PLEC: variants seen among roughly 807,000 people sequenced by gnomAD.
PLEC encodes the protein hemidesmosomal protein 1.
In PLEC, 216 loss-of-function variants were observed where a neutral mutation model predicts 392.8. The observed-to-expected ratio is 0.55, with a 90% CI of 0.49 to 0.62. The LOEUF is 0.62. PLEC is among the 20% of genes least tolerant of loss of function. The pLI is 0.00. For synonymous variants in PLEC, 3,621 were observed against 2,980.6 expected (o/e 1.21, Z -7.00); for missense variants, 6,863 against 6,563.4 (o/e 1.05, Z -1.58).
Position 143,919,584 on chromosome 8 carries a change from C to G in PLEC, c.10237G>C (p.Val3413Leu). 1 of 1,600,328 alleles carries G rather than the reference C, an allele frequency of 6.2e-7. No homozygotes were observed. The highest frequency in any genetic ancestry group is 8.5e-7 in the Non-Finnish European group (1 of 1,175,164). ...RNQRLYVHEA[V>L]KAGVVGPELH... ...TCGGGGCCCACCACGCCCGCCTTCA[C>G]GGCCTCGTGGACATACAGGCGCTGG... Residue 3413 changes from valine (V) to leucine (L), a missense_variant, in exon 32 of 32, where the codon GTG (valine) becomes CTG (leucine). By Grantham distance (32) the Val-to-Leu change is conservative. Coordinates refer to ENST00000345136, the MANE Select transcript of PLEC (RefSeq NM_201384.3).
chr8:143,965,185 C>T (rs1361262786), intron 1 of PLEC, among the ~76,000 whole-genome samples: 1 of 152,102 alleles, frequency 6.6e-6, no homozygotes, highest in African/African-American at 2.4e-5. Context: ...CTCCTGGAGC[C>T]ACACAGGGAC....
At chr8:143,959,231 C>A (rs1387755053) in intron 1 of PLEC, among the ~76,000 whole-genome samples, 6 of 152,206 alleles carry the variant, frequency 3.9e-5, no homozygotes, top group Non-Finnish European at 8.8e-5. Flanking sequence ...TGAAACAACT[C>A]AACTCACCAT....
upstream of PLEC, among the ~76,000 whole-genome samples, chr8:143,951,948 G>A (rs1412373975): frequency 6.8e-6 from 1 of 147,548 alleles, no homozygotes; most frequent in African/African-American, 2.5e-5. Context: ...ACTGTCCCAC[G>A]CTGTGCTCCA....
chr8:143,919,271 G>A lies in PLEC; in HGVS notation c.10550C>T (p.Thr3517Met), dbSNP rs368982802. 37 of 1,613,924 alleles carry A rather than the reference G, an allele frequency of 2.3e-5. No individual in the cohort carries two copies. The highest frequency in any genetic ancestry group is 1.6e-4 in the Middle Eastern group (1 of 6,084). ...DDTKGFFDPN[T>M]HENLTYRQLL... ...CTGCCTGTACGTGAGGTTCTCATGC[G>A]TGTTGGGGTCAAAGAAGCCCTTGGT... is the stretch of plus-strand genomic sequence containing the variant. Residue 3517 changes from threonine (T) to methionine (M), a missense_variant, in exon 32 of 32, where the codon ACG (threonine) becomes ATG (methionine). By Grantham distance (81) the Thr-to-Met change is moderately conservative. Transcript: ENST00000345136.
chr8:143,972,119 C>T (rs1246842073), intron 1 of PLEC, among the ~76,000 whole-genome samples: 1 of 152,216 alleles, frequency 6.6e-6, no homozygotes, highest in Non-Finnish European at 1.5e-5. Flanking sequence ...CTGCACAGTT[C>T]CCGCACTTTG....
chr8:143,941,678 C>G (rs1830481766), upstream of PLEC, among the ~76,000 whole-genome samples: 1 of 51,978 alleles, frequency 1.9e-5, no homozygotes, highest in African/African-American at 8.4e-5. Flanking sequence ...CCCAGCCCAG[C>G]CTGCCCCGCC....
chr8:143,968,327 C>CA, intron 1 of PLEC, among the ~76,000 whole-genome samples: 1 of 151,676 alleles, frequency 6.6e-6, no homozygotes, highest in Non-Finnish European at 1.5e-5. Context: ...AGGTGGCTCA[C>CA]GCTGTAATCC....
chr8:143,917,892 T>C lies in PLEC; in HGVS notation c.11929A>G (p.Ile3977Val). 3 of 1,613,066 alleles carry C rather than the reference T, an allele frequency of 1.9e-6. No individual in the cohort carries two copies. The highest frequency in any genetic ancestry group is 2.2e-5 in the South Asian group (2 of 91,076). Residue 3977 changes from isoleucine (I) to valine (V), a missense_variant, in exon 32 of 32, where the codon ATC becomes GTC. Physicochemically the swap from Ile to Val is conservative, Grantham distance 29. Coordinates refer to ENST00000345136, the MANE Select transcript of PLEC (RefSeq NM_201384.3). Reference sequence around the variant, plus strand: ...AGCTTCAGTCCCTTGATGGGGTCGATGACGTAACCGGTGGCCGCCTGCGCC... The same window carrying C: ...AGCTTCAGTCCCTTGATGGGGTCGACGACGTAACCGGTGGCCGCCTGCGCC... ...LEAQAATGYV[I>V]DPIKGLKLTV...
At chr8:143,965,373 C>G (rs1425512865) in intron 1 of PLEC, among the ~76,000 whole-genome samples, 1 of 152,206 alleles carries the variant, frequency 6.6e-6, no homozygotes, top group Non-Finnish European at 1.5e-5. Context: ...AGGATCCTGT[C>G]TTCCCAGCTG....
In PLEC at chr8:143,917,661, C is replaced by T. The variant is rs1821013204; in HGVS notation, c.12160G>A (p.Asp4054Asn). 5 of 1,613,532 alleles carry T rather than the reference C, an allele frequency of 3.1e-6. No homozygotes were observed. Among genetic ancestry groups the T allele is most frequent in the South Asian group, 1.1e-5 (1 of 91,092 alleles). ...GGCAGCCGGTGGCTCTCCTCAGGGTCGATGATGCCGCCCGTGGCGATCTGG... is the reference window on the plus strand; with the variant it reads ...GGCAGCCGGTGGCTCTCCTCAGGGTTGATGATGCCGCCCGTGGCGATCTGG... ...EAQIATGGII[D>N]PEESHRLPVE... Residue 4054 changes from aspartate (D) to asparagine (N), a missense_variant, in exon 32 of 32, where the codon GAC (aspartate) becomes AAC (asparagine). Asp to Asn is a conservative substitution (Grantham distance 23). Coordinates refer to ENST00000345136, the MANE Select transcript of PLEC (RefSeq NM_201384.3).
chr8:143,919,986 C>G lies in PLEC; in HGVS notation c.9835G>C (p.Val3279Leu), dbSNP rs200407723. 120 of 1,613,238 alleles carry G rather than the reference C, an allele frequency of 7.4e-5. No individual in the cohort carries two copies. Among genetic ancestry groups the G allele is most frequent in the Admixed American group, 1.0e-4 (6 of 60,012 alleles). Residue 3279 changes from valine (V) to leucine (L), a missense_variant, in exon 32 of 32, where the codon GTC (valine) becomes CTC (leucine). By Grantham distance (32) the Val-to-Leu change is conservative. Coordinates refer to ENST00000345136, the MANE Select transcript of PLEC (RefSeq NM_201384.3). Reference protein sequence around the residue: ...ELLRQFRTGKVTVEKVIKILI... With the variant: ...ELLRQFRTGKLTVEKVIKILI... ...ATCTTGATGACCTTCTCCACGGTGA[C>G]CTTGCCCGTGCGGAACTGACGCAAC...
intron 19 of PLEC, 36 bp from the exon 20 acceptor site, chr8:143,930,572 G>A: frequency 1.3e-6 from 2 of 1,560,984 alleles, no homozygotes; most frequent in East Asian, 2.4e-5. Context: ...CGAGGGCCAT[G>A]GAGACCCACA....
intron 1 of PLEC, among the ~76,000 whole-genome samples, chr8:143,967,420 C>T (rs914433237): frequency 1.0e-4 from 15 of 148,252 alleles, no homozygotes; most frequent in Non-Finnish European, 1.5e-4. Context: ...AAAATAGATG[C>T]GTGGTGTGAG....
chr8:143,950,175 G>A (rs781978509), intron 1 of PLEC: 63 of 1,504,026 alleles, frequency 4.2e-5, no homozygotes, highest in Non-Finnish European at 5.2e-5. Flanking sequence ...GGGTCAGGGT[G>A]CAGCTGACCT....
At chr8:143,968,397 C>T (rs1554743001) in intron 1 of PLEC, among the ~76,000 whole-genome samples, 2 of 151,594 alleles carry the variant, frequency 1.3e-5, no homozygotes, top group East Asian at 3.9e-4. Context: ...TGGCGAAGCC[C>T]CATCTCTACT....
chr8:143,937,282 G>C (rs1554724320), intron 3 of PLEC, 40 bp from the exon 4 acceptor site: 1 of 1,518,036 alleles, frequency 6.6e-7, no homozygotes, highest in South Asian at 1.1e-5. Context: ...TGCAGCTGCA[G>C]CTCCCGGGCC....
In PLEC at chr8:143,919,336, A is replaced by G. The variant is rs782204499; in HGVS notation, c.10485T>C (p.Ser3495=). 1.2e-6 allele frequency: 2 copies of G among 1,613,648 alleles called. No individual in the cohort carries two copies. The highest frequency in any genetic ancestry group is 3.3e-5 in the Admixed American group (2 of 60,022). The change falls in exon 32 of 32, where the codon AGT becomes AGC. Residue 3495 remains serine (S), a synonymous_variant. Transcript: ENST00000345136. ...VDVAYQRGYF[S]EEMNRVLADP... ...CCGCCAGGACGCGGTTCATCTCCTC[A>G]CTGAAGTAGCCGCGCTGGTAGGCCA...
Position 143,932,639 on chromosome 8 carries a change from A to G in PLEC, c.1811T>C (p.Leu604Pro). ...GCTGGCCCTGCCCCCACTCACCAGC[A>G]GCTTGGCGTACTGCAGGTCCAGCCG... is the stretch of plus-strand genomic sequence containing the variant. The part of the protein sequence containing the change: ...LGRLDLQYAK[L>P]LNSSKARLRS... Residue 604 changes from leucine (L) to proline (P), a missense_variant, in exon 15 of 32, where the codon CTG becomes CCG. Leu to Pro is a moderately conservative substitution (Grantham distance 98). Transcript: ENST00000345136. 1.2e-6 allele frequency: 2 copies of G among 1,611,002 alleles called. No individual in the cohort carries two copies. The highest frequency in any genetic ancestry group is 8.5e-7 in the Non-Finnish European group (1 of 1,179,320).
chr8:143,956,676 T>C (rs1326626070), upstream of PLEC, among the ~76,000 whole-genome samples: 3 of 151,990 alleles, frequency 2.0e-5, no homozygotes. Context: ...GCCTTTAACT[T>C]CCCCCCTGAA....
Sources: allele counts gnomAD v4.1 joint callset (sites outside exome capture counted in the v4.1 genomes callset), GRCh38; gene constraint gnomAD v4.1.1; transcripts MANE v1.5; gene names NCBI Gene and HGNC (gene_info 2026-07-23, HGNC 2026-07-21).